MYRIP: variants seen among roughly 807,000 people sequenced by gnomAD.
The protein encoded by MYRIP is rab effector MyRIP.
MYRIP carries 49 observed loss-of-function variants against 98.0 expected under a neutral mutation model. The observed-to-expected ratio is 0.50, with a 90% CI of 0.40 to 0.63. The LOEUF (loss-of-function observed/expected upper bound fraction) is 0.63. MYRIP is among the 30% of genes least tolerant of loss of function. MYRIP has a pLI of 0.00. For synonymous variants in MYRIP, 404 were observed against 409.5 expected (o/e 0.99, Z 0.16); for missense variants, 1,004 against 1,058.2 (o/e 0.95, Z 0.71).
At chr3:40,177,145 T>C (rs909453194) in intron 8 of MYRIP, among the ~76,000 whole-genome samples, 1 of 150,762 alleles carries the variant, frequency 6.6e-6, no homozygotes, top group Admixed American at 6.6e-5. Context: ...ATGGGCCGAG[T>C]TTCAGTTCTT....
intron 2 of MYRIP, among the ~76,000 whole-genome samples, chr3:39,950,924 C>G (rs1219471562): frequency 6.6e-6 from 1 of 152,054 alleles, no homozygotes; most frequent in Non-Finnish European, 1.5e-5. Flanking sequence ...TTCTGTTATA[C>G]CTTTTTGTAT....
intron 2 of MYRIP, among the ~76,000 whole-genome samples, chr3:40,042,327 C>G (rs964717189): frequency 1.3e-5 from 2 of 148,832 alleles, no homozygotes; most frequent in Non-Finnish European, 3.0e-5. Flanking sequence ...AACCTTCAAC[C>G]CACTACAGGG....
chr3:40,131,310 T>C (rs1041410625), intron 3 of MYRIP, among the ~76,000 whole-genome samples: 7 of 152,216 alleles, frequency 4.6e-5, no homozygotes, highest in Non-Finnish European at 8.8e-5. Context: ...ATATTTGTTA[T>C]TTTTTACTGT....
chr3:39,896,146 G>T (rs960124431), intron 1 of MYRIP, among the ~76,000 whole-genome samples: 3 of 152,194 alleles, frequency 2.0e-5, no homozygotes, highest in African/African-American at 7.2e-5. Flanking sequence ...GTAATAAAAG[G>T]ATATTTGGTG....
At chr3:39,883,882 G>A (rs527668783) in intron 1 of MYRIP, among the ~76,000 whole-genome samples, 1 of 152,090 alleles carries the variant, frequency 6.6e-6, no homozygotes, top group East Asian at 1.9e-4. Flanking sequence ...GGAGCCACAG[G>A]AAGAAAAACA....
chr3:40,238,332 G>A (rs1952880818), intron 12 of MYRIP, among the ~76,000 whole-genome samples: 1 of 152,326 alleles, frequency 6.6e-6, no homozygotes, highest in Middle Eastern at 3.4e-3. Context: ...CTCCCGGATG[G>A]AATTCAGCTG....
At chr3:40,110,163 G>A (rs1018538707) in intron 3 of MYRIP, among the ~76,000 whole-genome samples, 1 of 152,254 alleles carries the variant, frequency 6.6e-6, no homozygotes, top group Non-Finnish European at 1.5e-5. Context: ...GCCTCAGGCA[G>A]GAATGGAGTG....
chr3:39,867,818 C>T (rs1486824859), intron 1 of MYRIP, among the ~76,000 whole-genome samples: 1 of 152,136 alleles, frequency 6.6e-6, no homozygotes, highest in Non-Finnish European at 1.5e-5. Flanking sequence ...AAAGAAACAA[C>T]ATCATTATTT....
At chr3:39,996,129 G>A (rs1039407178) in intron 2 of MYRIP, among the ~76,000 whole-genome samples, 21 of 152,096 alleles carry the variant, frequency 1.4e-4, no homozygotes, top group Admixed American at 6.6e-4. Flanking sequence ...ATCAACTAAG[G>A]AGCAAAATAA....
At chr3:40,112,551 C>T (rs1949180452) in intron 3 of MYRIP, among the ~76,000 whole-genome samples, 1 of 152,200 alleles carries the variant, frequency 6.6e-6, no homozygotes, top group Non-Finnish European at 1.5e-5. Flanking sequence ...TTGAGCAGTC[C>T]TAATATTTCA....
chr3:39,835,419 G>A (rs955659280), intron 1 of MYRIP, among the ~76,000 whole-genome samples: 64 of 152,202 alleles, frequency 4.2e-4, no homozygotes, highest in African/African-American at 1.5e-3. Flanking sequence ...GAGATTGGCA[G>A]ATTTTTATCC....
intron 2 of MYRIP, among the ~76,000 whole-genome samples, chr3:40,027,274 C>T (rs1310244555): frequency 6.6e-6 from 1 of 152,098 alleles, no homozygotes; most frequent in African/African-American, 2.4e-5. Context: ...GACTCCTGCC[C>T]AGCCCAAACC....
intron 3 of MYRIP, among the ~76,000 whole-genome samples, chr3:40,112,750 G>T (rs1212416415): frequency 2.0e-5 from 3 of 151,564 alleles, no homozygotes; most frequent in African/African-American, 7.3e-5. Flanking sequence ...AGAAATGTGG[G>T]CCAGACCAAC....
At chr3:40,109,443 T>G (rs1949115517) in intron 3 of MYRIP, among the ~76,000 whole-genome samples, 1 of 152,112 alleles carries the variant, frequency 6.6e-6, no homozygotes, top group Admixed American at 6.6e-5. Flanking sequence ...GGGGCAAAAG[T>G]CTGAAGAGAT....
At chr3:39,991,898 GC>G (rs1946189653) in intron 2 of MYRIP, among the ~76,000 whole-genome samples, 1 of 152,128 alleles carries the variant, frequency 6.6e-6, no homozygotes, top group African/African-American at 2.4e-5. Context: ...CACTGATATA[GC>G]CTGTGTTCCT....
In MYRIP at chr3:40,151,090, G is replaced by A. The variant is rs909020705; in HGVS notation, c.375G>A (p.Val125=). 19 of 1,609,888 alleles carry A rather than the reference G, an allele frequency of 1.2e-5. No homozygotes were observed. The highest frequency in any genetic ancestry group is 3.4e-5 in the Admixed American group (2 of 59,578). ...AQSLEWFYNN[V]KSRFKRFGSA... is the part of the protein sequence containing the mutation. Reference sequence around the variant, plus strand: ...CTCTGGAATGGTTCTACAATAATGTGAAGAGCCGCTTCAAGCGCTTTGGCA... The same window carrying A: ...CTCTGGAATGGTTCTACAATAATGTAAAGAGCCGCTTCAAGCGCTTTGGCA... The change falls in exon 4 of 17, where the codon GTG becomes GTA. Residue 125 remains valine (V), a synonymous_variant. Coordinates refer to ENST00000302541, the MANE Select transcript of MYRIP (RefSeq NM_015460.4).
intron 1 of MYRIP, among the ~76,000 whole-genome samples, chr3:39,865,010 C>T (rs1312138221): frequency 4.6e-5 from 7 of 152,070 alleles, no homozygotes; most frequent in Non-Finnish European, 1.5e-5. Context: ...ACATTTACAA[C>T]CATCTGATCT....
chr3:40,029,192 C>T (rs796509471), intron 2 of MYRIP, among the ~76,000 whole-genome samples: 22 of 152,296 alleles, frequency 1.4e-4, no homozygotes, highest in African/African-American at 5.3e-4. Context: ...AATGACTTAG[C>T]ACATCTTCTG....
chr3:39,843,903 A>C (rs1941882234), intron 1 of MYRIP, among the ~76,000 whole-genome samples: 1 of 152,166 alleles, frequency 6.6e-6, no homozygotes, highest in Non-Finnish European at 1.5e-5. Context: ...GAAGTACATG[A>C]AGTTGGACTC....
Sources: allele counts gnomAD v4.1 joint callset (sites outside exome capture counted in the v4.1 genomes callset), GRCh38; gene constraint gnomAD v4.1.1; transcripts MANE v1.5; gene names NCBI Gene and HGNC (gene_info 2026-07-23, HGNC 2026-07-21).